The following SIRT3 variants were observed in gnomAD, a reference collection of about 807,000 sequenced individuals.
The protein encoded by SIRT3 is NAD-dependent protein deacetylase sirtuin-3, mitochondrial.
Under a neutral mutation model 33.5 loss-of-function variants are expected in SIRT3, and 26 were observed. That is an observed-to-expected ratio of 0.78 (90% CI 0.57 to 1.08). The LOEUF (loss-of-function observed/expected upper bound fraction) is 1.08. Ranked by LOEUF, SIRT3 falls within the 50% of genes least tolerant of loss-of-function variation. The probability of loss-of-function intolerance (pLI) is 0.00; values close to 1 mark genes in which losing one functional copy is unlikely to be tolerated. For synonymous variants in SIRT3, 237 were observed against 222.1 expected, an observed-to-expected ratio of 1.07 and a Z score of -0.60; for missense variants, 585 against 530.1, an observed-to-expected ratio of 1.10 and a Z score of -1.02.
At position 224,553 on chromosome 11, in the gene SIRT3, A is replaced by G. The variant is rs552801290; in HGVS notation, c.808-314T>C. Reference sequence around the variant, plus strand: ...TCTATCCCTGGGATGGCAGCCAGAGACATCCAGGCGCTAAGGAAACACCTG... The same window carrying G: ...TCTATCCCTGGGATGGCAGCCAGAGGCATCCAGGCGCTAAGGAAACACCTG... On this transcript the variant is annotated intron_variant, in intron 4 of 6. Transcript: ENST00000382743. 2.0e-5 allele frequency among the ~76,000 whole-genome samples: 3 copies of G among 152,352 alleles called. No homozygotes were observed. In the South Asian group the frequency reaches 6.2e-4, roughly 32 times the overall value.
At chr11:228,979 G>C (rs1056083512) in intron 4 of SIRT3, among the ~76,000 whole-genome samples, 1 of 152,222 alleles carries the variant, frequency 6.6e-6, no homozygotes. Context: ...TTGATATCAT[G>C]AATCATTAGG....
upstream of SIRT3, chr11:236,400 C>A: frequency 1.0e-5 from 3 of 296,778 alleles, no homozygotes; most frequent in Non-Finnish European, 1.4e-5. Flanking sequence ...CCGCCTCCCA[C>A]CCCCGCCCCC....
intron 6 of SIRT3, among the ~76,000 whole-genome samples, chr11:217,870 G>A (rs1855872844): frequency 7.2e-5 from 11 of 152,236 alleles, no homozygotes. Context: ...TGTGTCAAGG[G>A]TGGGGCCAAG....
chr11:233,567 A>T (rs1465010682), intron 1 of SIRT3, 33 bp from the exon 2 acceptor site: 1 of 1,606,144 alleles, frequency 6.2e-7, no homozygotes, highest in African/African-American at 1.3e-5. Flanking sequence ...CAAAGGAAAC[A>T]GATAGCAACC....
chr11:228,664 T>A (rs1232195328), intron 4 of SIRT3, among the ~76,000 whole-genome samples: 1 of 152,174 alleles, frequency 6.6e-6, no homozygotes, highest in Non-Finnish European at 1.5e-5. Context: ...AAAACTCTTA[T>A]AAGAAAACAG....
chr11:226,757 A>AT (rs66851716), intron 4 of SIRT3, among the ~76,000 whole-genome samples: 40 of 137,050 alleles, frequency 2.9e-4, no homozygotes, highest in East Asian at 2.1e-3. Context: ...TATTATTATT[A>AT]TTTTTTTTTT....
At chr11:233,699 G>A (rs1475736775) in intron 1 of SIRT3, 165 bp from the exon 2 acceptor site, 20 of 657,726 alleles carry the variant, frequency 3.0e-5, no homozygotes, top group Non-Finnish European at 4.1e-5. Flanking sequence ...GACTATTGGG[G>A]TACAACAAAA....
chr11:217,214 C>CTGAG (rs905842280), intron 6 of SIRT3, among the ~76,000 whole-genome samples: 20 of 152,228 alleles, frequency 1.3e-4, no homozygotes, highest in African/African-American at 4.8e-4. Context: ...CTTTGGGAGG[C>CTGAG]TGAGGCAGGT....
chr11:233,155 G>A lies in SIRT3; in HGVS notation c.534C>T (p.Ala178=). The change falls in exon 3 of 7, where the codon GCC becomes GCT. Residue 178 remains alanine, a synonymous_variant. Coordinates refer to ENST00000382743, the MANE Select transcript of SIRT3 (RefSeq NM_012239.6). The part of the protein sequence containing the change: ...LQQYDLPYPE[A]IFELPFFFHN... Reference sequence around the variant, plus strand: ...GAAAGAAGAATGGGAGTTCAAAAATGGCCTCGGGGTACGGGAGATCGTACT... The same window carrying A: ...GAAAGAAGAATGGGAGTTCAAAAATAGCCTCGGGGTACGGGAGATCGTACT... The A allele has an allele frequency of 6.2e-7, 1 of 1,614,164 alleles. No individual in the cohort carries two copies. The highest frequency in any genetic ancestry group is 8.5e-7 in the Non-Finnish European group (1 of 1,180,028).
chr11:236,043 A>G lies in SIRT3; in HGVS notation c.281+5T>C. On this transcript the variant is annotated splice_donor_5th_base_variant and intron_variant, in intron 1 of 6. Transcript: ENST00000382743. ...GCAAGAAGTGCTTGTCCTTGCCCAA[A>G]ATACCTCGAAAAGAAGAAACTGGGA... The G allele has an allele frequency of 6.6e-7, 1 of 1,509,004 alleles. No homozygotes were observed. The highest frequency in any genetic ancestry group is 8.9e-7 in the Non-Finnish European group (1 of 1,129,142). The allele number at this position is 1,509,004 out of a possible 1,614,324, so 93.5% of individuals were successfully genotyped here. A position where few individuals can be genotyped will look rare whatever the true frequency, so the allele number is the denominator to read the frequency against.
chr11:222,986 C>T (rs1433695283), intron 5 of SIRT3: 1 of 152,222 alleles, frequency 6.6e-6, no homozygotes, highest in Non-Finnish European at 1.5e-5. Context: ...ACTTCTTACA[C>T]TGACATCTGA....
Position 236,227 on chromosome 11 carries a change from G to A in SIRT3, c.102C>T (p.Cys34=), listed in dbSNP as rs1186658920. Residue 34 remains cysteine, a synonymous_variant, in exon 1 of 7, where the codon TGC becomes TGT. Transcript: ENST00000382743. ...TGCCGCCAAGCACCAGCCGACAGCC[G>A]CAGGCCTGAAACGGCCCCACGCCTC... ...AGGGVGPFQA[C]GCRLVLGGRD... 1.3e-6 allele frequency: 2 copies of A among 1,557,752 alleles called. No homozygotes were observed. Among genetic ancestry groups the A allele is most frequent in the East Asian group, 2.4e-5 (1 of 41,348 alleles).
intron 4 of SIRT3, among the ~76,000 whole-genome samples, chr11:226,861 C>T (rs1487417617): frequency 1.3e-5 from 2 of 150,822 alleles, no homozygotes; most frequent in Non-Finnish European, 1.5e-5. Context: ...TCAAGCAATT[C>T]GCCTGCCTCA....
intron 1 of SIRT3, among the ~76,000 whole-genome samples, chr11:235,454 C>T (rs1858863347): frequency 6.6e-6 from 1 of 152,228 alleles, no homozygotes; most frequent in Non-Finnish European, 1.5e-5. Context: ...CGATCCCCGT[C>T]TCAGCCTCCG....
intron 3 of SIRT3, among the ~76,000 whole-genome samples, chr11:231,708 G>T (rs1391065946): frequency 6.6e-6 from 1 of 152,158 alleles, no homozygotes; most frequent in Admixed American, 6.5e-5. Flanking sequence ...TTCCCACAAG[G>T]CCTGCCCTGC....
intron 4 of SIRT3, 75 bp from the exon 5 acceptor site, chr11:224,314 T>G: frequency 6.8e-7 from 1 of 1,476,912 alleles, no homozygotes; most frequent in Non-Finnish European, 9.1e-7. Flanking sequence ...CAAGTTCTTA[T>G]TAAAGTCTCA....
Position 236,019 on chromosome 11 carries a change from CAAG to C in SIRT3, c.281+26_281+28del. ...GGGCGAGGTGTCGACAACGAACACG[CAAG>C]AAGTGCTTGTCCTTGCCCAAAATAC... On this transcript the variant is annotated intron_variant, in intron 1 of 6. Coordinates refer to ENST00000382743, the MANE Select transcript of SIRT3 (RefSeq NM_012239.6). 2.1e-6 allele frequency: 3 copies of C among 1,458,322 alleles called. No individual in the cohort carries two copies. In the South Asian group the frequency reaches 4.3e-5, roughly 21 times the overall value. The allele number at this position is 1,458,322 out of a possible 1,614,324, so 90.3% of individuals were successfully genotyped here. A position where few individuals can be genotyped will look rare whatever the true frequency, so the allele number is the denominator to read the frequency against.
intron 4 of SIRT3, among the ~76,000 whole-genome samples, chr11:227,582 A>G (rs906000181): frequency 6.6e-6 from 1 of 152,294 alleles, no homozygotes; most frequent in East Asian, 1.9e-4. Context: ...GTGGGGAATT[A>G]ACATCAACCT....
At chr11:216,800 G>T in intron 6 of SIRT3, 82 bp from the exon 7 acceptor site, 2 of 1,428,666 alleles carry the variant, frequency 1.4e-6, no homozygotes, top group Non-Finnish European at 2.0e-6. Flanking sequence ...AACAGCTCTA[G>T]CTGCAGACAT....
Sources: gnomAD v4.1 joint callset for allele counts (sites outside exome capture counted in the v4.1 genomes callset) on GRCh38, gnomAD v4.1.1 for gene constraint, MANE v1.5 for transcripts, NCBI Gene and HGNC (gene_info 2026-07-23, HGNC 2026-07-21) for gene names.